The following IGFN1 variants were observed in gnomAD, a reference collection of about 807,000 sequenced individuals.
The protein encoded by IGFN1 is immunoglobulin-like and fibronectin type III domain-containing protein 1.
Under a neutral mutation model 289.5 loss-of-function variants are expected in IGFN1, and 253 were observed. That is an observed-to-expected ratio of 0.87 (90% CI 0.79 to 0.97). The LOEUF is 0.97. Among genes scored for constraint, IGFN1 ranks in the 50% least tolerant of loss-of-function variants. The pLI, the probability that IGFN1 is intolerant of heterozygous loss-of-function variation, is 0.00. For missense variants in IGFN1, 4,470 were observed against 4,686.1 expected (o/e 0.95, Z 1.35); for synonymous variants, 1,706 against 1,788.5 (o/e 0.95, Z 1.16).
chr1:201,193,134 C>T (rs1666730869), intron 1 of IGFN1, 113 bp from the exon 2 acceptor site: 1 of 611,368 alleles, frequency 1.6e-6, no homozygotes, highest in African/African-American at 1.8e-5. Flanking sequence ...CTCTTGGGGG[C>T]AGCAGCTTTT....
chr1:201,214,925 C>A, intron 13 of IGFN1, 88 bp from the exon 14 acceptor site: 1 of 1,375,250 alleles, frequency 7.3e-7, no homozygotes, highest in Non-Finnish European at 1.0e-6. Context: ...ATCAGGATCC[C>A]AGCATCAGTA....
chr1:201,212,038 G>A lies in IGFN1; in HGVS notation c.7145G>A (p.Gly2382Asp), dbSNP rs1172017208. 3 of 1,536,296 alleles carry A rather than the reference G, an allele frequency of 2.0e-6. No individual in the cohort carries two copies. The highest frequency in any genetic ancestry group is 2.4e-5 in the South Asian group (2 of 84,060). Residue 2382 changes from glycine (G) to aspartate (D), a missense_variant, in exon 12 of 24, where the codon GGC becomes GAC. This residue lies in a region of IGFN1 where 2,218 missense variants were observed against 2,114.1 expected (regional missense o/e 1.05). Coordinates refer to ENST00000335211, the MANE Select transcript of IGFN1 (RefSeq NM_001164586.2). ...AGIGHEAGPR[G>D]HKAMGHRSGY... ...ATAGGACATGAGGCTGGACCCAGAG[G>A]CCATAAAGCCATGGGTCACAGGTCA...
Position 201,216,169 on chromosome 1 carries a change from G to A in IGFN1, c.9296-285G>A, listed in dbSNP as rs1015646532. ...GGTAGGACTGCTCTTGGCCGAGCAG[G>A]TGCCCATACCAGCCACCGGACGGTG... On this transcript the variant is annotated intron_variant, in intron 15 of 23. Transcript: ENST00000335211. 3.5e-5 allele frequency: 21 copies of A among 607,966 alleles called. No homozygotes were observed. The Admixed American group carries it at 5.1e-4, about 15-fold the overall frequency. 37.7% of individuals were successfully genotyped at this position (607,966 alleles called of 1,614,324 possible). A position where few individuals can be genotyped will look rare whatever the true frequency, so the allele number is the denominator to read the frequency against.
Position 201,212,797 on chromosome 1 carries a change from G to A in IGFN1, c.7904G>A (p.Ser2635Asn), listed in dbSNP as rs1430362064. The change falls in exon 12 of 24, where the codon AGC becomes AAC. Residue 2635 changes from serine to asparagine, a missense_variant. Coordinates refer to ENST00000335211, the MANE Select transcript of IGFN1 (RefSeq NM_001164586.2). ...CCTGATTGGGAAAACCAGGGGTTTA[G>A]CCAAGGCAGCATAGATGCTGGGAAG... ...WAPDWENQGFSQGSIDAGKQP... is the reference protein window; with the variant it reads ...WAPDWENQGFNQGSIDAGKQP... The A allele has an allele frequency of 6.4e-7, 1 of 1,551,544 alleles. No homozygotes were observed. The highest frequency in any genetic ancestry group is 8.7e-7 in the Non-Finnish European group (1 of 1,146,930).
chr1:201,216,819 C>T, intron 16 of IGFN1, 66 bp downstream of exon 16: 1 of 1,368,374 alleles, frequency 7.3e-7, no homozygotes, highest in Non-Finnish European at 1.0e-6. Context: ...CCGAGGAGGG[C>T]AGGCTGTCCC....
Position 201,225,830 on chromosome 1 carries a change from C to T in IGFN1, c.10493C>T (p.Pro3498Leu), listed in dbSNP as rs375512984. ...TCTGCCGTCTCTCCTGAAGCATGCC[C>T]GCAGGCCCCTGGGCCCATCCACCTG... The part of the protein sequence containing the change: ...HSFRIRVAAC[P>L]QAPGPIHLQE... The change falls in exon 22 of 24, where the codon CCG becomes CTG. Residue 3498 changes from proline to leucine, a missense_variant. Transcript: ENST00000335211. 105 of 1,611,010 alleles carry T rather than the reference C, an allele frequency of 6.5e-5. No individual in the cohort carries two copies. Among genetic ancestry groups the T allele is most frequent in the East Asian group, 1.1e-4 (5 of 44,820 alleles).
intron 19 of IGFN1, chr1:201,222,050 G>C: frequency 4.2e-6 from 1 of 239,390 alleles, no homozygotes; most frequent in Non-Finnish European, 7.9e-6. Flanking sequence ...GTACAGCCAG[G>C]ATTTAAACCT....
At chr1:201,201,496 T>C (rs767759368) in intron 8 of IGFN1, among the ~76,000 whole-genome samples, 5 of 152,232 alleles carry the variant, frequency 3.3e-5, no homozygotes, top group African/African-American at 1.2e-4. Context: ...TTCTAGCAAC[T>C]GAACACCTGG....
At position 201,228,790 on chromosome 1, in the gene IGFN1, G is replaced by A. The variant is rs1036796315; in HGVS notation, c.*391G>A. The A allele has an allele frequency of 8.7e-6, 2 of 228,998 alleles. No homozygotes were observed. The highest frequency in any genetic ancestry group is 4.6e-5 in the African/African-American group (2 of 43,642). The allele number at this position is 228,998 out of a possible 1,614,324, so 14.2% of individuals were successfully genotyped here. A position where few individuals can be genotyped will look rare whatever the true frequency, so the allele number is the denominator to read the frequency against. Reference sequence around the variant, plus strand: ...CAGCTGGGCCTGCTGTGACCACTGGGAGGGAAGAGGAGAGGAGGTCAGAGG... The same window carrying A: ...CAGCTGGGCCTGCTGTGACCACTGGAAGGGAAGAGGAGAGGAGGTCAGAGG... On this transcript the variant is annotated 3_prime_UTR_variant, in exon 24 of 24. Coordinates refer to ENST00000335211, the MANE Select transcript of IGFN1 (RefSeq NM_001164586.2).
intron 10 of IGFN1, 64 bp downstream of exon 10, chr1:201,203,970 G>T: frequency 7.1e-7 from 1 of 1,405,160 alleles, no homozygotes; most frequent in Non-Finnish European, 9.7e-7. Context: ...GTCCATGTTG[G>T]TGCAACGTGT....
Position 201,199,657 on chromosome 1 carries a change from G to A in IGFN1, c.458+3G>A. On this transcript the variant is annotated splice_donor_region_variant and intron_variant, in intron 7 of 23. Transcript: ENST00000335211. Reference sequence around the variant, plus strand: ...TTCCGGAAGTTGCTGAAAAAGAGGTGGGTTTGGGCCTGTCCATGAGGGATT... The same window carrying A: ...TTCCGGAAGTTGCTGAAAAAGAGGTAGGTTTGGGCCTGTCCATGAGGGATT... 1 of 1,551,466 alleles carries A rather than the reference G, an allele frequency of 6.4e-7. No homozygotes were observed. Among genetic ancestry groups the A allele is most frequent in the South Asian group, 1.2e-5 (1 of 84,020 alleles).
In IGFN1 at chr1:201,206,871, G is replaced by A; in HGVS notation, c.1978G>A (p.Gly660Ser). The change falls in exon 12 of 24, where the codon GGC (glycine) becomes AGC (serine). Residue 660 changes from glycine (G) to serine (S), a missense_variant. Coordinates refer to ENST00000335211, the MANE Select transcript of IGFN1 (RefSeq NM_001164586.2). ...AATAGTAGTGTGGGGTGGTGGGACT[G>A]GCCTGGGAGAAGCTGGAGACAGCAA... The part of the protein sequence containing the change: ...RGIVVWGGGT[G>S]LGEAGDSNGA... The A allele has an allele frequency of 9.1e-6, 14 of 1,536,476 alleles. No individual in the cohort carries two copies. Among genetic ancestry groups the A allele is most frequent in the Non-Finnish European group, 1.2e-5 (14 of 1,146,524 alleles).
chr1:201,193,330 G>A, intron 2 of IGFN1, 30 bp downstream of exon 2: 1 of 1,519,930 alleles, frequency 6.6e-7, no homozygotes, highest in Non-Finnish European at 8.9e-7. Context: ...CCCCTCCCCA[G>A]CCCTCCCTGG....
intron 9 of IGFN1, 21 bp from the exon 10 acceptor site, chr1:201,203,717 C>T (rs570666742): frequency 4.9e-5 from 76 of 1,550,476 alleles, no homozygotes; most frequent in Non-Finnish European, 6.3e-5. Context: ...GGCCCGCCTC[C>T]TCTTCCTTTT....
rs72751177 is a variant in IGFN1, at chr1:201,224,485, C to T, written c.10291-194C>T. The stretch of plus-strand genomic sequence containing the variant: ...TTCTACCGCCCCCCTACCATACCCG[C>T]CTGCCAACCTCACACTTTATCACCA... On this transcript the variant is annotated intron_variant, in intron 20 of 23. Transcript: ENST00000335211. Among the ~76,000 whole-genome samples, 1,302 of 152,268 alleles carry T rather than the reference C, an allele frequency of 8.6e-3. 10 individuals carry two copies. The highest frequency in any genetic ancestry group is 0.016 in the Admixed American group (246 of 15,292).
At chr1:201,199,557 AC>A (rs549994354) in intron 6 of IGFN1, 51 bp from the exon 7 acceptor site, 9 of 1,514,694 alleles carry the variant, frequency 5.9e-6, no homozygotes, top group Non-Finnish European at 8.1e-6. Flanking sequence ...CTCTGCATCA[AC>A]CCTCAGTCAT....
At chr1:201,202,407 A>G (rs918581670) in intron 9 of IGFN1, among the ~76,000 whole-genome samples, 1 of 152,066 alleles carries the variant, frequency 6.6e-6, no homozygotes, top group African/African-American at 2.4e-5. Flanking sequence ...AAATGACATC[A>G]TGTGTGACTT....
At chr1:201,193,169 C>CTGAT in intron 1 of IGFN1, 78 bp from the exon 2 acceptor site, 1 of 712,872 alleles carries the variant, frequency 1.4e-6, no homozygotes, top group Non-Finnish European at 2.5e-6. Context: ...CAGACATTGG[C>CTGAT]TGATGCACTG....
Position 201,226,867 on chromosome 1 carries a change from C to T in IGFN1, c.10787-15C>T, listed in dbSNP as rs750721351. On this transcript the variant is annotated splice_polypyrimidine_tract_variant and intron_variant, in intron 22 of 23. Transcript: ENST00000335211. Reference sequence around the variant, plus strand: ...GCTTTCTCACCCTCTTCTCTCACCCCGGCTTTCACCACAGACAGGTTCACA... The same window carrying T: ...GCTTTCTCACCCTCTTCTCTCACCCTGGCTTTCACCACAGACAGGTTCACA... 8 of 1,551,116 alleles carry T rather than the reference C, an allele frequency of 5.2e-6. No individual in the cohort carries two copies. The highest frequency in any genetic ancestry group is 3.7e-5 in the South Asian group (3 of 81,182).
Sources: allele counts gnomAD v4.1 joint callset (sites outside exome capture counted in the v4.1 genomes callset), GRCh38; gene constraint gnomAD v4.1.1; regional missense constraint gnomAD v4.1.1; transcripts MANE v1.5; gene names NCBI Gene and HGNC (gene_info 2026-07-23, HGNC 2026-07-21).